SIPA1L1: variants seen among roughly 807,000 people sequenced by gnomAD.
The protein encoded by SIPA1L1 is signal induced proliferation associated 1 like 1.
In SIPA1L1, 26 loss-of-function variants were observed where a neutral mutation model predicts 162.7. That is an observed-to-expected ratio of 0.16 (90% CI 0.12 to 0.22). The LOEUF is 0.22. Among genes scored for constraint, SIPA1L1 ranks in the 10% least tolerant of loss-of-function variants. The probability of loss-of-function intolerance (pLI) is 1.00; values close to 1 mark genes in which losing one functional copy is unlikely to be tolerated. For synonymous variants in SIPA1L1, 829 were observed against 837.4 expected (o/e 0.99, Z 0.17); for missense variants, 1,874 against 2,241.0 (o/e 0.84, Z 3.31).
At chr14:71,557,779 T>C (rs2056468093) in intron 4 of SIPA1L1, among the ~76,000 whole-genome samples, 1 of 152,246 alleles carries the variant, frequency 6.6e-6, no homozygotes, top group Admixed American at 6.5e-5. Flanking sequence ...GTGATAGTTA[T>C]GGATTGTAGC....
intron 7 of SIPA1L1, among the ~76,000 whole-genome samples, chr14:71,630,693 G>A (rs1368313829): frequency 6.6e-6 from 1 of 152,010 alleles, no homozygotes; most frequent in East Asian, 1.9e-4. Context: ...ACATTCAGGG[G>A]TTCCATTTCT....
intron 4 of SIPA1L1, among the ~76,000 whole-genome samples, chr14:71,581,649 A>G (rs780217633): frequency 7.2e-5 from 11 of 152,126 alleles, no homozygotes; most frequent in Non-Finnish European, 1.6e-4. Flanking sequence ...TTTTAAATGT[A>G]TGACAGTTGT....
intron 13 of SIPA1L1, among the ~76,000 whole-genome samples, chr14:71,686,796 AC>A (rs1288473218): frequency 6.6e-6 from 1 of 152,128 alleles, no homozygotes; most frequent in Non-Finnish European, 1.5e-5. Context: ...TGTTGTGAAA[AC>A]CCTTAGACCT....
intron 2 of SIPA1L1, among the ~76,000 whole-genome samples, chr14:71,348,293 G>T (rs1016802030): frequency 1.3e-5 from 2 of 152,030 alleles, no homozygotes; most frequent in Non-Finnish European, 2.9e-5. Flanking sequence ...AAAGATAACA[G>T]CTCTTTTGAT....
chr14:71,580,132 G>A (rs898500568), intron 4 of SIPA1L1, among the ~76,000 whole-genome samples: 43 of 152,118 alleles, frequency 2.8e-4, no homozygotes, highest in Middle Eastern at 6.3e-3. Context: ...TGACTTCATC[G>A]CTTTCTCTTC....
intron 7 of SIPA1L1, among the ~76,000 whole-genome samples, chr14:71,639,417 C>T (rs2041481146): frequency 6.6e-6 from 1 of 152,014 alleles, no homozygotes; most frequent in Non-Finnish European, 1.5e-5. Flanking sequence ...TCTAAGAAAC[C>T]AAAGACCTAA....
At chr14:71,682,953 A>G (rs922267052) in intron 12 of SIPA1L1, among the ~76,000 whole-genome samples, 3 of 152,214 alleles carry the variant, frequency 2.0e-5, no homozygotes, top group Non-Finnish European at 2.9e-5. Flanking sequence ...CAGGAGTTTG[A>G]GACCAACCTG....
intron 2 of SIPA1L1, among the ~76,000 whole-genome samples, chr14:71,441,869 C>A (rs1346357121): frequency 6.6e-6 from 1 of 151,954 alleles, no homozygotes; most frequent in Non-Finnish European, 1.5e-5. Context: ...CCATGTAGAT[C>A]AGGAGTAACT....
chr14:71,457,296 T>G (rs1436235007), intron 2 of SIPA1L1, among the ~76,000 whole-genome samples: 2 of 151,694 alleles, frequency 1.3e-5, no homozygotes, highest in Non-Finnish European at 2.9e-5. Flanking sequence ...CAAACTGCAA[T>G]GAACATTTTT....
At chr14:71,544,044 C>T (rs751772562) in intron 4 of SIPA1L1, among the ~76,000 whole-genome samples, 6 of 146,058 alleles carry the variant, frequency 4.1e-5, no homozygotes, top group South Asian at 2.1e-4. Context: ...TATATACACA[C>T]GCACGCACAT....
At chr14:71,480,467 AAAAG>A (rs1302026157) in intron 2 of SIPA1L1, among the ~76,000 whole-genome samples, 3 of 151,590 alleles carry the variant, frequency 2.0e-5, no homozygotes, top group African/African-American at 7.3e-5. Flanking sequence ...AAAAAAAAAA[AAAAG>A]AAGAAGTCAG....
At chr14:71,335,543 T>G (rs2035005374) in intron 2 of SIPA1L1, among the ~76,000 whole-genome samples, 1 of 152,154 alleles carries the variant, frequency 6.6e-6, no homozygotes, top group Non-Finnish European at 1.5e-5. Context: ...TGGTAACCGT[T>G]GGAATACCAT....
chr14:71,365,291 C>G (rs927779563), intron 2 of SIPA1L1, among the ~76,000 whole-genome samples: 2 of 151,712 alleles, frequency 1.3e-5, no homozygotes, highest in Admixed American at 1.3e-4. Flanking sequence ...CCCAGCTCAT[C>G]CCATTACAGG....
intron 2 of SIPA1L1, among the ~76,000 whole-genome samples, chr14:71,424,592 AGCCATCCT>A (rs2140755644): frequency 6.6e-6 from 1 of 152,126 alleles, no homozygotes; most frequent in African/African-American, 2.4e-5. Flanking sequence ...TTGTATGTTG[AGCCATCCT>A]TGTATTCCAG....
At chr14:71,331,215 T>C (rs1001527387) in intron 2 of SIPA1L1, among the ~76,000 whole-genome samples, 1 of 152,220 alleles carries the variant, frequency 6.6e-6, no homozygotes, top group Non-Finnish European at 1.5e-5. Context: ...ACTATATATG[T>C]GGGTTTATTT....
At chr14:71,435,538 A>G (rs566083525) in intron 2 of SIPA1L1, among the ~76,000 whole-genome samples, 122 of 152,214 alleles carry the variant, frequency 8.0e-4, no homozygotes, top group African/African-American at 2.8e-3. Flanking sequence ...GTATTCCATG[A>G]TGTATATGTG....
Position 71,728,642 on chromosome 14 carries a change from T to A in SIPA1L1, c.4615-1413T>A, listed in dbSNP as rs969456287. Among the ~76,000 whole-genome samples the A allele has an allele frequency of 7.9e-5, 12 of 152,362 alleles. 2 individuals carry two copies. In the South Asian group the frequency reaches 2.3e-3, roughly 29 times the overall value. ...ATTTCTGGGTCTGTAATCAGCCCAC[T>A]AAATGGAGCATTTGCTAAATCATTC... On this transcript the variant is annotated intron_variant, in intron 19 of 23. Coordinates refer to ENST00000381232, the MANE Select transcript of SIPA1L1 (RefSeq NM_001386936.1).
chr14:71,539,513 T>A (rs2054194927), intron 4 of SIPA1L1, among the ~76,000 whole-genome samples: 1 of 152,208 alleles, frequency 6.6e-6, no homozygotes, highest in Non-Finnish European at 1.5e-5. Context: ...AGTTGAAGAA[T>A]CACTGCCCTT....
chr14:71,646,208 G>C (rs1287249584), intron 7 of SIPA1L1, among the ~76,000 whole-genome samples: 1 of 133,682 alleles, frequency 7.5e-6, no homozygotes, highest in Non-Finnish European at 1.6e-5. Context: ...ACGGAGTCTT[G>C]CTCCGTCTCC....
Sources: allele counts gnomAD v4.1 joint callset (sites outside exome capture counted in the v4.1 genomes callset), GRCh38; gene constraint gnomAD v4.1.1; transcripts MANE v1.5; gene names NCBI Gene and HGNC (gene_info 2026-07-23, HGNC 2026-07-21).